PDZD2: variants seen among roughly 807,000 people sequenced by gnomAD.
The protein encoded by PDZD2 is PDZ domain-containing protein 2.
In PDZD2, 90 loss-of-function variants were observed where a neutral mutation model predicts 220.7. That is an observed-to-expected ratio of 0.41 (90% CI 0.34 to 0.49). The LOEUF (loss-of-function observed/expected upper bound fraction) is 0.49, where lower values mean the gene tolerates loss of function less well. Ranked by LOEUF, PDZD2 falls within the 20% of genes least tolerant of loss-of-function variation. The pLI, the probability that PDZD2 is intolerant of heterozygous loss-of-function variation, is 0.28. For synonymous variants in PDZD2, 1,375 were observed against 1,450.5 expected (o/e 0.95, Z 1.18); for missense variants, 3,174 against 3,608.5 (o/e 0.88, Z 3.08).
rs149447762 is a variant in PDZD2, at chr5:32,092,976, G to T, written c.7797G>T (p.Ser2599=). 6,774 of 1,605,000 alleles carry T rather than the reference G, an allele frequency of 4.2e-3. 35 individuals carry two copies. The highest frequency in any genetic ancestry group is 5.5e-3 in the Admixed American group (332 of 59,858). Residue 2599 remains serine (S), a synonymous_variant, in exon 21 of 25, where the codon TCG becomes TCT. Transcript: ENST00000438447. ...AGTCTGTTTTATCGTCAGTGGGATC[G>T]AAATCTACCATCCTAACTCTCATTC... ...RLQSVLSSVG[S]KSTILTLIQE...
chr5:31,975,604 C>T (rs1316984790), intron 2 of PDZD2, among the ~76,000 whole-genome samples: 1 of 152,260 alleles, frequency 6.6e-6, no homozygotes, highest in East Asian at 1.9e-4. Context: ...GTGACTTCCT[C>T]AGTCTCTTCC....
At chr5:31,715,070 A>G (rs1056775645) in intron 1 of PDZD2, among the ~76,000 whole-genome samples, 44 of 151,762 alleles carry the variant, frequency 2.9e-4, no homozygotes, top group South Asian at 6.3e-4. Flanking sequence ...AAAAAAAAAA[A>G]AAAGAAAGAA....
At chr5:32,047,994 T>A (rs1738147412) in intron 7 of PDZD2, among the ~76,000 whole-genome samples, 1 of 152,230 alleles carries the variant, frequency 6.6e-6, no homozygotes. Context: ...AGGGTGTTTT[T>A]GAGGTTCTGG....
chr5:31,850,243 T>TACACACACAC (rs1554082942), intron 2 of PDZD2, among the ~76,000 whole-genome samples: 1 of 122,232 alleles, frequency 8.2e-6, no homozygotes, highest in South Asian at 2.5e-4. Flanking sequence ...TATATATATA[T>TACACACACAC]ACACACACAC....
chr5:31,933,280 GA>G (rs1400823327), intron 2 of PDZD2, among the ~76,000 whole-genome samples: 1 of 152,128 alleles, frequency 6.6e-6, no homozygotes, highest in Non-Finnish European at 1.5e-5. Context: ...TTTTACGGCT[GA>G]ATAGTATTCC....
At chr5:31,958,481 T>A (rs1747928092) in intron 2 of PDZD2, among the ~76,000 whole-genome samples, 1 of 152,162 alleles carries the variant, frequency 6.6e-6, no homozygotes, top group South Asian at 2.1e-4. Flanking sequence ...GTCGAACTCC[T>A]GACCTCAAGT....
chr5:32,097,277 A>T lies in PDZD2; in HGVS notation c.7846-2A>T. 6.3e-7 allele frequency: 1 copy of T among 1,593,424 alleles called. No homozygotes were observed. Among genetic ancestry groups the T allele is most frequent in the South Asian group, 1.1e-5 (1 of 90,648 alleles). On this transcript the variant is annotated splice_acceptor_variant, in intron 21 of 24. Coordinates refer to ENST00000438447, the MANE Select transcript of PDZD2 (RefSeq NM_178140.4). LOFTEE classifies it high-confidence loss of function. ...AGGATAATTTTTGTTTGTTTTCACT[A>T]GAATGAAGAAGATGTTTGCTTCATA...
intron 6 of PDZD2, 120 bp downstream of exon 6, chr5:32,010,602 C>A (rs1213692326): frequency 1.3e-6 from 1 of 760,356 alleles, no homozygotes; most frequent in South Asian, 1.4e-5. Flanking sequence ...GGAAAAGACA[C>A]CAGTGCATTC....
At chr5:31,760,701 C>G (rs1441832619) in intron 1 of PDZD2, among the ~76,000 whole-genome samples, 1 of 152,090 alleles carries the variant, frequency 6.6e-6, no homozygotes, top group Non-Finnish European at 1.5e-5. Context: ...TCGGGCGGAT[C>G]GCTTGAAACC....
At chr5:31,804,204 G>A (rs1019725100) in intron 2 of PDZD2, among the ~76,000 whole-genome samples, 4 of 152,166 alleles carry the variant, frequency 2.6e-5, no homozygotes, top group African/African-American at 9.7e-5. Flanking sequence ...GCTAGACGAT[G>A]AAAAGCCAGG....
At chr5:32,076,503 A>G (rs1263448389) in intron 18 of PDZD2, among the ~76,000 whole-genome samples, 1 of 152,184 alleles carries the variant, frequency 6.6e-6, no homozygotes, top group Non-Finnish European at 1.5e-5. Context: ...TTTTATTTAT[A>G]TCTGAGAAAG....
At chr5:31,845,102 T>G (rs556691827) in intron 2 of PDZD2, among the ~76,000 whole-genome samples, 2 of 152,338 alleles carry the variant, frequency 1.3e-5, no homozygotes, top group East Asian at 3.9e-4. Flanking sequence ...CTCCGTCAGA[T>G]GCCAGTAAGC....
intron 1 of PDZD2, among the ~76,000 whole-genome samples, chr5:31,759,016 C>A (rs539929989): frequency 2.6e-4 from 39 of 152,192 alleles, no homozygotes; most frequent in African/African-American, 7.9e-4. Flanking sequence ...GGTCCTCACA[C>A]TGGATGAGCC....
At chr5:31,667,203 T>C (rs1215243877) in intron 1 of PDZD2, among the ~76,000 whole-genome samples, 2 of 122,318 alleles carry the variant, frequency 1.6e-5, no homozygotes, top group African/African-American at 3.2e-5. Context: ...GCCACTGCAC[T>C]CTAACCTGAG....
At chr5:31,929,154 G>C (rs2150389098) in intron 2 of PDZD2, among the ~76,000 whole-genome samples, 1 of 152,230 alleles carries the variant, frequency 6.6e-6, no homozygotes, top group African/African-American at 2.4e-5. Context: ...TTTTGAATCT[G>C]AATGCTTTAG....
intron 8 of PDZD2, among the ~76,000 whole-genome samples, chr5:32,049,066 T>G (rs557176244): frequency 6.6e-6 from 1 of 152,078 alleles, no homozygotes; most frequent in South Asian, 2.1e-4. Flanking sequence ...AGAGGGAGTG[T>G]GCGTGTGTGC....
rs142367076 is a variant in PDZD2 at position 31,937,955 on chromosome 5, A to T, written c.477-45200A>T. Among the ~76,000 whole-genome samples the T allele has an allele frequency of 3.4e-3, 525 of 152,370 alleles. 5 individuals carry two copies. Among genetic ancestry groups the T allele is most frequent in the African/African-American group, 0.012 (489 of 41,580 alleles). On this transcript the variant is annotated intron_variant, in intron 2 of 24. Coordinates refer to ENST00000438447, the MANE Select transcript of PDZD2 (RefSeq NM_178140.4). ...CTGTTTTTGTATGGCCTGGGAGCTA[A>T]GAATGTGTTTTATGTTTTGAAGAGT...
At chr5:31,755,215 T>TG (rs35155675) in intron 1 of PDZD2, among the ~76,000 whole-genome samples, 84,568 of 151,546 alleles carry the variant, frequency 0.56, 24,181 homozygotes, top group East Asian at 0.93. Flanking sequence ...GCTCCTAATT[T>TG]TGCTGGTTTC....
chr5:31,742,053 T>C (rs142612168), intron 1 of PDZD2: 1 of 152,236 alleles, frequency 6.6e-6, no homozygotes, highest in Non-Finnish European at 1.5e-5. Flanking sequence ...GGACTTTGAA[T>C]TGAGGCCCTC....
Sources: allele counts gnomAD v4.1 joint callset (sites outside exome capture counted in the v4.1 genomes callset), GRCh38; gene constraint gnomAD v4.1.1; transcripts MANE v1.5; gene names NCBI Gene and HGNC (gene_info 2026-07-23, HGNC 2026-07-21).